The following OSBPL1A variants were observed in gnomAD, a reference collection of about 807,000 sequenced individuals.
OSBPL1A encodes oxysterol binding protein like 1A, also known as oxysterol-binding protein-related protein 1.
A neutral mutation model predicts 137.1 loss-of-function variants in OSBPL1A; 80 were observed. The ratio of observed to expected loss-of-function variants is 0.58; its 90% confidence interval spans 0.49 to 0.70. The LOEUF (loss-of-function observed/expected upper bound fraction) is 0.70. Among genes scored for constraint, OSBPL1A ranks in the 30% least tolerant of loss-of-function variants. The pLI is 0.00. For synonymous variants in OSBPL1A, 365 were observed against 389.7 expected (o/e 0.94, Z 0.75); for missense variants, 970 against 1,129.4 (o/e 0.86, Z 2.02).
intron 17 of OSBPL1A, among the ~76,000 whole-genome samples, chr18:24,221,332 TAAAGC>T (rs1292126631): frequency 6.6e-6 from 1 of 152,170 alleles, no homozygotes; most frequent in African/African-American, 2.4e-5. Flanking sequence ...AACTAGAATC[TAAAGC>T]AATCAGAAGG....
At chr18:24,303,078 G>C (rs1381128066) in intron 14 of OSBPL1A, among the ~76,000 whole-genome samples, 4 of 152,022 alleles carry the variant, frequency 2.6e-5, no homozygotes, top group Non-Finnish European at 5.9e-5. Flanking sequence ...TCAGCTCACT[G>C]CAACCTCTGT....
At chr18:24,308,039 G>C (rs926043697) in intron 13 of OSBPL1A, among the ~76,000 whole-genome samples, 45 of 152,124 alleles carry the variant, frequency 3.0e-4, no homozygotes, top group African/African-American at 1.1e-3. Flanking sequence ...GCCCGCCTCG[G>C]GAATCATTTA....
At chr18:24,355,294 G>C (rs1277722098) in intron 4 of OSBPL1A, among the ~76,000 whole-genome samples, 1 of 151,742 alleles carries the variant, frequency 6.6e-6, no homozygotes, top group African/African-American at 2.4e-5. Context: ...ATGAGGTCAG[G>C]AGTTCTAGAC....
chr18:24,376,939 C>G (rs1211240442), intron 2 of OSBPL1A, among the ~76,000 whole-genome samples: 1 of 152,226 alleles, frequency 6.6e-6, no homozygotes, highest in African/African-American at 2.4e-5. Flanking sequence ...AAACGCCGCG[C>G]GCAGCCCTGG....
At chr18:24,171,037 T>C (rs2086269680) in intron 23 of OSBPL1A, among the ~76,000 whole-genome samples, 1 of 151,208 alleles carries the variant, frequency 6.6e-6, no homozygotes, top group Admixed American at 6.6e-5. Flanking sequence ...ATGGCAATTT[T>C]TTTTGTTTTT....
intron 15 of OSBPL1A, among the ~76,000 whole-genome samples, chr18:24,249,894 A>G (rs1463537173): frequency 1.3e-5 from 2 of 152,216 alleles, no homozygotes; most frequent in Non-Finnish European, 2.9e-5. Context: ...CCAGAGGACT[A>G]GGTGGCACCT....
intron 17 of OSBPL1A, among the ~76,000 whole-genome samples, chr18:24,223,285 G>A (rs1218528479): frequency 1.3e-5 from 2 of 151,994 alleles, no homozygotes; most frequent in Non-Finnish European, 2.9e-5. Context: ...TGTGGCATAT[G>A]CTCTATCTAT....
chr18:24,337,710 G>A (rs1047489778), intron 5 of OSBPL1A, among the ~76,000 whole-genome samples: 1 of 151,666 alleles, frequency 6.6e-6, no homozygotes, highest in Non-Finnish European at 1.5e-5. Context: ...CAGGATGGGA[G>A]GGGAAAATGC....
Position 24,341,904 on chromosome 18 carries a change from T to C in OSBPL1A, c.283-246A>G, listed in dbSNP as rs74883753. Among the ~76,000 whole-genome samples the C allele has an allele frequency of 6.0e-4, 92 of 152,328 alleles. No homozygotes were observed. The East Asian group carries it at 0.014, about 24-fold the overall frequency. Reference sequence around the variant, plus strand: ...TTCTATAATTGATTTTTATGTAAACTATCTGGCTGTTTTGCCAAAATAATT... The same window carrying C: ...TTCTATAATTGATTTTTATGTAAACCATCTGGCTGTTTTGCCAAAATAATT... On this transcript the variant is annotated intron_variant, in intron 4 of 27. Transcript: ENST00000319481.
Position 24,162,946 on chromosome 18 carries a change from T to C in OSBPL1A, c.*233A>G. The C allele has an allele frequency of 2.7e-6, 1 of 363,970 alleles. No individual in the cohort carries two copies. The highest frequency in any genetic ancestry group is 4.4e-5 in the Admixed American group (1 of 22,782). 22.5% of individuals were successfully genotyped at this position (363,970 alleles called of 1,614,324 possible). On this transcript the variant is annotated 3_prime_UTR_variant, in exon 28 of 28. Coordinates refer to ENST00000319481, the MANE Select transcript of OSBPL1A (RefSeq NM_080597.4). The stretch of plus-strand genomic sequence containing the variant: ...CCAGCAGTGTTCTCTTACCTCTATA[T>C]AAAATAGTATTCCAAATAAGTACAT...
rs768920687 is a variant in OSBPL1A at position 24,311,505 on chromosome 18, T to A, written c.1092+479A>T. ...GGCACTGGTGTCACTTCAGAAGACT[T>A]CTCCATTCATTAATGATGCTTTACC... On this transcript the variant is annotated intron_variant, in intron 13 of 27. Coordinates refer to ENST00000319481, the MANE Select transcript of OSBPL1A (RefSeq NM_080597.4). 176 of 986,866 alleles carry A rather than the reference T, an allele frequency of 1.8e-4. 1 individual carries two copies. Among genetic ancestry groups the A allele is most frequent in the Non-Finnish European group, 1.9e-4 (161 of 830,860 alleles). The allele number at this position is 986,866 out of a possible 1,614,324, so 61.1% of individuals were successfully genotyped here.
At chr18:24,381,818 AG>A (rs1450418299) in intron 1 of OSBPL1A, among the ~76,000 whole-genome samples, 4 of 151,642 alleles carry the variant, frequency 2.6e-5, no homozygotes, top group Non-Finnish European at 5.9e-5. Context: ...AAAATTAGGC[AG>A]GCGTGGTGGT....
chr18:24,322,577 T>G (rs73394345), intron 7 of OSBPL1A, among the ~76,000 whole-genome samples: 21,350 of 152,098 alleles, frequency 0.14, 2,456 homozygotes, highest in African/African-American at 0.32. Context: ...GCCTAGCACA[T>G]AGGAAAATGC....
intron 15 of OSBPL1A, among the ~76,000 whole-genome samples, chr18:24,269,851 A>AACACACACACACACACACACACAC (rs147895357): frequency 9.3e-5 from 13 of 139,988 alleles, no homozygotes; most frequent in African/African-American, 1.9e-4. Flanking sequence ...TGACAAGCCT[A>AACACACACACACACACACACACAC]ACACACACAC....
chr18:24,236,910 C>T (rs552922634), intron 16 of OSBPL1A, among the ~76,000 whole-genome samples: 2 of 152,148 alleles, frequency 1.3e-5, no homozygotes, highest in African/African-American at 4.8e-5. Flanking sequence ...GGCTGCTAGA[C>T]GTCTATCAAG....
At chr18:24,359,236 CAGAGAGAGAA>C (rs1568051796) in intron 4 of OSBPL1A, among the ~76,000 whole-genome samples, 1 of 151,232 alleles carries the variant, frequency 6.6e-6, no homozygotes, top group African/African-American at 2.4e-5. Context: ...GAGACAGAGA[CAGAGAGAGAA>C]AGAGAGAGAT....
intron 1 of OSBPL1A, among the ~76,000 whole-genome samples, chr18:24,382,274 G>A (rs1243389607): frequency 6.6e-6 from 1 of 150,994 alleles, no homozygotes; most frequent in Non-Finnish European, 1.5e-5. Flanking sequence ...AGGCGTGGTG[G>A]CAGGCGCCTG....
At chr18:24,313,917 T>G (rs984389730) in intron 12 of OSBPL1A, among the ~76,000 whole-genome samples, 1 of 151,656 alleles carries the variant, frequency 6.6e-6, no homozygotes, top group Non-Finnish European at 1.5e-5. Flanking sequence ...CCCTGGGCAA[T>G]GTGGTGAAAC....
In OSBPL1A at chr18:24,268,465, C is replaced by T. The variant is rs138424800; in HGVS notation, c.1281+12377G>A. On this transcript the variant is annotated intron_variant, in intron 15 of 27. Transcript: ENST00000319481. Reference sequence around the variant, plus strand: ...TTCCAAAATCAAAGATTTCAATGACCAACCACCATGGCACACATATACCTA... The same window carrying T: ...TTCCAAAATCAAAGATTTCAATGACTAACCACCATGGCACACATATACCTA... 6.5e-3 allele frequency among the ~76,000 whole-genome samples: 982 copies of T among 152,142 alleles called. 9 individuals are homozygous for T. The highest frequency in any genetic ancestry group is 0.023 in the African/African-American group (935 of 41,496).
Sources: gnomAD v4.1 joint callset for allele counts (sites outside exome capture counted in the v4.1 genomes callset) on GRCh38, gnomAD v4.1.1 for gene constraint, MANE v1.5 for transcripts, NCBI Gene and HGNC (gene_info 2026-07-23, HGNC 2026-07-21) for gene names.